Variants in LDLRAD4 observed in about 807,000 individuals in gnomAD.
LDLRAD4 encodes the protein low density lipoprotein receptor class A domain containing 4, also known as low-density lipoprotein receptor class A domain-containing protein 4.
LDLRAD4 carries 5 observed loss-of-function variants against 17.0 expected under a neutral mutation model. That is an observed-to-expected ratio of 0.29 (90% CI 0.15 to 0.62). The LOEUF (loss-of-function observed/expected upper bound fraction) is 0.62, where lower values mean the gene tolerates loss of function less well. LDLRAD4 is among the 20% of genes least tolerant of loss of function. LDLRAD4 has a pLI of 0.84. For synonymous variants in LDLRAD4, 168 were observed against 171.8 expected (o/e 0.98, Z 0.17); for missense variants, 340 against 424.7 (o/e 0.80, Z 1.75).
chr18:13,226,727 A>AT (rs2041826666), intron 1 of LDLRAD4, among the ~76,000 whole-genome samples: 1 of 151,106 alleles, frequency 6.6e-6, no homozygotes, highest in Non-Finnish European at 1.5e-5. Context: ...ATAAAATAAA[A>AT]TAAAATAAAA....
chr18:13,372,167 T>C (rs2084567178), intron 1 of LDLRAD4, among the ~76,000 whole-genome samples: 3 of 152,266 alleles, frequency 2.0e-5, no homozygotes, highest in African/African-American at 7.2e-5. Context: ...CCGTGTGCCC[T>C]TGCCAGGCAT....
At chr18:13,253,525 G>A (rs977254117) in intron 1 of LDLRAD4, among the ~76,000 whole-genome samples, 1 of 152,148 alleles carries the variant, frequency 6.6e-6, no homozygotes, top group African/African-American at 2.4e-5. Flanking sequence ...TAGTACTTGT[G>A]GGCAGGGCCC....
At chr18:13,280,333 C>A (rs1020220559) in intron 1 of LDLRAD4, among the ~76,000 whole-genome samples, 2 of 152,206 alleles carry the variant, frequency 1.3e-5, no homozygotes, top group Non-Finnish European at 2.9e-5. Flanking sequence ...CTTTTCTCAT[C>A]TTTAAATGGG....
intron 1 of LDLRAD4, among the ~76,000 whole-genome samples, chr18:13,312,750 A>G (rs34140338): frequency 0.01 from 1,590 of 152,316 alleles, 46 homozygotes; most frequent in Admixed American, 0.045. Context: ...TATAAAAAAA[A>G]GGAAAGAAAC....
At chr18:13,345,173 A>G (rs949623105) in intron 1 of LDLRAD4, among the ~76,000 whole-genome samples, 37 of 152,214 alleles carry the variant, frequency 2.4e-4, no homozygotes, top group African/African-American at 8.4e-4. Context: ...TTTCGAAGGG[A>G]ATGCTTCCAG....
At chr18:13,611,275 G>C in intron 3 of LDLRAD4, 1 of 161,324 alleles carries the variant, frequency 6.2e-6, no homozygotes, top group Non-Finnish European at 1.3e-5. Context: ...CAAAACTATT[G>C]TTATGGCCCA....
rs2040775322 is a variant in LDLRAD4, at chr18:13,622,809, T to C, written c.336+1538T>C. ...CTCAGACATCGCTGCTTTGCCTTAATGTATTACGGGCTGTGAACGCCACCC... is the reference window on the plus strand; with the variant it reads ...CTCAGACATCGCTGCTTTGCCTTAACGTATTACGGGCTGTGAACGCCACCC... On this transcript the variant is annotated intron_variant, in intron 4 of 5. Coordinates refer to ENST00000359446, the Ensembl canonical transcript of LDLRAD4. This position sits in a 1 kb window ranked among gnomAD's most constrained non-coding sequence, Gnocchi z 5.3. Among the ~76,000 whole-genome samples the C allele has an allele frequency of 2.0e-5, 3 of 152,178 alleles. No homozygotes were observed. Among genetic ancestry groups the C allele is most frequent in the Admixed American group, 2.0e-4 (3 of 15,284 alleles).
At chr18:13,505,057 G>A (rs1014714758) in intron 3 of LDLRAD4, among the ~76,000 whole-genome samples, 1 of 152,228 alleles carries the variant, frequency 6.6e-6, no homozygotes, top group Non-Finnish European at 1.5e-5. Flanking sequence ...ACCAGACGAT[G>A]TGCCAGCATT....
intron 3 of LDLRAD4, among the ~76,000 whole-genome samples, chr18:13,499,215 G>A (rs1421109936): frequency 6.7e-6 from 1 of 148,320 alleles, no homozygotes; most frequent in African/African-American, 2.5e-5. Context: ...TGTGGATACT[G>A]GAGAATCCTT....
rs1251727656 is a variant in LDLRAD4 at position 13,622,367 on chromosome 18, C to T, written c.336+1096C>T. 2.0e-5 allele frequency among the ~76,000 whole-genome samples: 3 copies of T among 152,110 alleles called. No homozygotes were observed. Among genetic ancestry groups the T allele is most frequent in the Non-Finnish European group, 4.4e-5 (3 of 67,990 alleles). On this transcript the variant is annotated intron_variant, in intron 4 of 5. Transcript: ENST00000359446. This position sits in a 1 kb window ranked among gnomAD's most constrained non-coding sequence, Gnocchi z 5.3. ...GGGAGAAGGAAGGGGTGGGTGCTACCGAGTGCTATCTTCAGACCATGGTGA... is the reference window on the plus strand; with the variant it reads ...GGGAGAAGGAAGGGGTGGGTGCTACTGAGTGCTATCTTCAGACCATGGTGA...
chr18:13,400,529 A>C (rs1599947149), intron 2 of LDLRAD4, among the ~76,000 whole-genome samples: 1 of 152,174 alleles, frequency 6.6e-6, no homozygotes, highest in Non-Finnish European at 1.5e-5. Flanking sequence ...CCGTGCACAC[A>C]TGAGCAGCCC....
At chr18:13,632,393 G>A (rs1422854245) in intron 4 of LDLRAD4, among the ~76,000 whole-genome samples, 8 of 152,246 alleles carry the variant, frequency 5.3e-5, no homozygotes, top group East Asian at 3.8e-4. Context: ...AGCCAGGTGC[G>A]CTGGTTGCTG....
chr18:13,574,476 C>T (rs1268056553), intron 3 of LDLRAD4, among the ~76,000 whole-genome samples: 1 of 152,166 alleles, frequency 6.6e-6, no homozygotes, highest in East Asian at 1.9e-4. Flanking sequence ...GGAACTATGT[C>T]CTGTTCGTCT....
chr18:13,652,154 T>C (rs1480307371), exon 6 of LDLRAD4: 1 of 152,238 alleles, frequency 6.6e-6, no homozygotes, highest in Non-Finnish European at 1.5e-5. Context: ...GGGAGAACTG[T>C]TGAGCATGAG....
At chr18:13,561,651 G>C (rs905107819) in intron 3 of LDLRAD4, 11 of 152,054 alleles carry the variant, frequency 7.2e-5, no homozygotes, top group Non-Finnish European at 1.6e-4. Context: ...GATGACACCT[G>C]TGCAAAGACG....
chr18:13,351,846 T>C (rs889207747), intron 1 of LDLRAD4, among the ~76,000 whole-genome samples: 1 of 152,110 alleles, frequency 6.6e-6, no homozygotes, highest in Non-Finnish European at 1.5e-5. Context: ...CTGATGAACA[T>C]CAATGCAAAC....
intron 2 of LDLRAD4, among the ~76,000 whole-genome samples, chr18:13,392,697 A>T (rs1214744990): frequency 6.6e-6 from 1 of 152,204 alleles, no homozygotes; most frequent in Admixed American, 6.5e-5. Context: ...CCACCCTTGG[A>T]TGCTGCAGAG....
At chr18:13,295,555 A>G (rs1197284257) in intron 1 of LDLRAD4, among the ~76,000 whole-genome samples, 1 of 152,202 alleles carries the variant, frequency 6.6e-6, no homozygotes, top group African/African-American at 2.4e-5. Flanking sequence ...CACAAAGTTA[A>G]ATCTGTAGAA....
Position 13,358,574 on chromosome 18 carries a change from A to G in LDLRAD4, c.-382-28767A>G, listed in dbSNP as rs568427248. Among the ~76,000 whole-genome samples the G allele has an allele frequency of 4.4e-4, 67 of 152,254 alleles. 2 individuals are homozygous for G. In the East Asian group the frequency reaches 0.012, roughly 26 times the overall value. On this transcript the variant is annotated intron_variant, in intron 1 of 5. Coordinates refer to ENST00000359446, the Ensembl canonical transcript of LDLRAD4. ...GTGATAAATAAAATTTATCCTATTTATCCCTCAAATGTGATAAATCAAATT... is the reference window on the plus strand; with the variant it reads ...GTGATAAATAAAATTTATCCTATTTGTCCCTCAAATGTGATAAATCAAATT...
Sources: gnomAD v4.1 joint callset for allele counts (sites outside exome capture counted in the v4.1 genomes callset) on GRCh38, gnomAD v4.1.1 for gene constraint, Gnocchi (gnomAD v3.1) non-coding constraint, MANE v1.5 for transcripts, NCBI Gene and HGNC (gene_info 2026-07-23, HGNC 2026-07-21) for gene names.